The following CNTNAP5 variants were observed in gnomAD, a reference collection of about 807,000 sequenced individuals.
CNTNAP5 encodes contactin associated protein family member 5, also known as contactin-associated protein-like 5.
In CNTNAP5, 72 loss-of-function variants were observed where a neutral mutation model predicts 150.2. The observed-to-expected ratio is 0.48, with a 90% CI of 0.40 to 0.58. CNTNAP5 has a LOEUF of 0.58. CNTNAP5 is among the 20% of genes least tolerant of loss of function. The pLI is 0.00. For missense variants in CNTNAP5, 1,636 were observed against 1,626.2 expected (o/e 1.01, Z -0.10); for synonymous variants, 672 against 619.8 (o/e 1.08, Z -1.25).
At chr2:124,601,188 A>T (rs967112975) in intron 11 of CNTNAP5, among the ~76,000 whole-genome samples, 1 of 152,216 alleles carries the variant, frequency 6.6e-6, no homozygotes, top group Non-Finnish European at 1.5e-5. Context: ...GTTGTACCAT[A>T]TTGAAAATGG....
chr2:124,386,165 C>T (rs1357551625), intron 3 of CNTNAP5, among the ~76,000 whole-genome samples: 1 of 152,136 alleles, frequency 6.6e-6, no homozygotes, highest in Non-Finnish European at 1.5e-5. Flanking sequence ...CAAATGCCTG[C>T]CTTTGTATGA....
rs547655847 is a variant in CNTNAP5 at position 124,084,720 on chromosome 2, A to T, written c.82+58988A>T. ...GTATATGTATATATATTCATTAAAT[A>T]CAAAAAAATACATTCATGTGTATAT... On this transcript the variant is annotated intron_variant, in intron 1 of 23. Transcript: ENST00000682447. Among the ~76,000 whole-genome samples, 3 of 152,078 alleles carry T rather than the reference A, an allele frequency of 2.0e-5. No homozygotes were observed. In the South Asian group the frequency reaches 6.2e-4, roughly 32 times the overall value.
At chr2:124,387,671 G>T (rs985795777) in intron 3 of CNTNAP5, among the ~76,000 whole-genome samples, 3 of 152,122 alleles carry the variant, frequency 2.0e-5, no homozygotes, top group Non-Finnish European at 4.4e-5. Flanking sequence ...ATCAGTTAGG[G>T]TGGGGCAGGA....
chr2:124,552,518 G>A (rs566409779), intron 10 of CNTNAP5, among the ~76,000 whole-genome samples: 195 of 152,194 alleles, frequency 1.3e-3, no homozygotes, highest in Non-Finnish European at 1.6e-3. Context: ...TGTGCCTTAG[G>A]ACAGCTTGAC....
chr2:124,165,828 T>G (rs1684800986), intron 1 of CNTNAP5, among the ~76,000 whole-genome samples: 1 of 152,142 alleles, frequency 6.6e-6, no homozygotes, highest in African/African-American at 2.4e-5. Flanking sequence ...ACCCCCAGAT[T>G]GCTGACTTGG....
chr2:124,840,269 G>A (rs1160598418), intron 19 of CNTNAP5, among the ~76,000 whole-genome samples: 1 of 152,044 alleles, frequency 6.6e-6, no homozygotes, highest in Non-Finnish European at 1.5e-5. Context: ...GGTGGAGGAA[G>A]ACAACTTTGC....
At position 124,840,058 on chromosome 2, in the gene CNTNAP5, C is replaced by T. The variant is rs545304677; in HGVS notation, c.3218-25248C>T. On this transcript the variant is annotated intron_variant, in intron 19 of 23. Transcript: ENST00000682447. Reference sequence around the variant, plus strand: ...GCAGGTATTTAGGCAGCACTTAATACGTGTAAGGAAGTGAGGAGGGGGAAT... The same window carrying T: ...GCAGGTATTTAGGCAGCACTTAATATGTGTAAGGAAGTGAGGAGGGGGAAT... 3.2e-4 allele frequency among the ~76,000 whole-genome samples: 48 copies of T among 152,016 alleles called. No individual in the cohort carries two copies. In the South Asian group the frequency reaches 3.9e-3, roughly 12 times the overall value.
chr2:124,177,683 A>G (rs1685102457), intron 1 of CNTNAP5, among the ~76,000 whole-genome samples: 1 of 152,206 alleles, frequency 6.6e-6, no homozygotes, highest in African/African-American at 2.4e-5. Flanking sequence ...GCGCACGCAC[A>G]CAAAGCACAC....
Position 124,162,112 on chromosome 2 carries a change from T to C in CNTNAP5, c.83-59593T>C, listed in dbSNP as rs192850333. Among the ~76,000 whole-genome samples, 353 of 152,294 alleles carry C rather than the reference T, an allele frequency of 2.3e-3. 3 individuals are homozygous for C. The highest frequency in any genetic ancestry group is 0.022 in the South Asian group (108 of 4,828). ...GGGCAAGCTATTTACTCATCTCTTATGCATATTTCTCTCTGTAAAAATGCC... is the reference window on the plus strand; with the variant it reads ...GGGCAAGCTATTTACTCATCTCTTACGCATATTTCTCTCTGTAAAAATGCC... On this transcript the variant is annotated intron_variant, in intron 1 of 23. Transcript: ENST00000682447.
intron 19 of CNTNAP5, among the ~76,000 whole-genome samples, chr2:124,827,666 C>T (rs1184131903): frequency 1.3e-5 from 2 of 152,158 alleles, no homozygotes; most frequent in Non-Finnish European, 2.9e-5. Context: ...AAATAAAATA[C>T]TACTAGTTCA....
At chr2:124,550,641 C>T (rs1279670957) in intron 10 of CNTNAP5, among the ~76,000 whole-genome samples, 1 of 152,146 alleles carries the variant, frequency 6.6e-6, no homozygotes. Flanking sequence ...ACTAACCCAA[C>T]CAGATTTCTC....
At chr2:124,548,361 T>C (rs1251925005) in intron 10 of CNTNAP5, among the ~76,000 whole-genome samples, 1 of 152,168 alleles carries the variant, frequency 6.6e-6, no homozygotes, top group Non-Finnish European at 1.5e-5. Context: ...TGGCTTAGGA[T>C]CTCTCTGCCT....
chr2:124,380,894 A>G (rs1690775334), intron 3 of CNTNAP5, among the ~76,000 whole-genome samples: 1 of 152,222 alleles, frequency 6.6e-6, no homozygotes, highest in Non-Finnish European at 1.5e-5. Flanking sequence ...AGATAATGAT[A>G]TGTGTCACGC....
chr2:124,180,650 C>T (rs963961709), intron 1 of CNTNAP5, among the ~76,000 whole-genome samples: 3 of 152,060 alleles, frequency 2.0e-5, no homozygotes, highest in Non-Finnish European at 2.9e-5. Context: ...CTCATTATAA[C>T]TAATTCCAAC....
intron 3 of CNTNAP5, among the ~76,000 whole-genome samples, chr2:124,395,089 A>G (rs756373272): frequency 1.1e-4 from 16 of 152,254 alleles, no homozygotes; most frequent in Non-Finnish European, 1.9e-4. Flanking sequence ...GCAAAGGAAC[A>G]AACAAAGTTG....
chr2:124,619,932 TA>T, intron 12 of CNTNAP5, among the ~76,000 whole-genome samples: 1 of 115,256 alleles, frequency 8.7e-6, no homozygotes, highest in Non-Finnish European at 2.0e-5. Flanking sequence ...TATATATATA[TA>T]TATGTAGTGC....
intron 13 of CNTNAP5, among the ~76,000 whole-genome samples, chr2:124,653,716 A>T (rs2105034080): frequency 6.6e-6 from 1 of 151,284 alleles, no homozygotes; most frequent in Non-Finnish European, 1.5e-5. Flanking sequence ...CACAAAACTA[A>T]AAATGCTTTC....
intron 19 of CNTNAP5, among the ~76,000 whole-genome samples, chr2:124,811,477 G>GT (rs989862883): frequency 6.6e-6 from 1 of 152,008 alleles, no homozygotes; most frequent in Non-Finnish European, 1.5e-5. Flanking sequence ...AAGAAAATTA[G>GT]TTTTTTTCCC....
chr2:124,189,104 T>C (rs1685403560), intron 1 of CNTNAP5, among the ~76,000 whole-genome samples: 1 of 152,094 alleles, frequency 6.6e-6, no homozygotes, highest in South Asian at 2.1e-4. Flanking sequence ...TAATTAAGAA[T>C]TGTTATTTTT....
Sources: allele counts gnomAD v4.1 joint callset (sites outside exome capture counted in the v4.1 genomes callset), GRCh38; gene constraint gnomAD v4.1.1; transcripts MANE v1.5; gene names NCBI Gene and HGNC (gene_info 2026-07-23, HGNC 2026-07-21).